Variants in FCGRT observed in about 807,000 individuals in gnomAD.
FCGRT encodes Fc gamma receptor and transporter, also known as IgG receptor FcRn large subunit p51.
FCGRT carries 13 observed loss-of-function variants against 35.7 expected under a neutral mutation model. The ratio of observed to expected loss-of-function variants is 0.36; its 90% CI spans 0.24 to 0.58. The LOEUF is 0.58. FCGRT is among the 20% of genes least tolerant of loss of function. The probability of loss-of-function intolerance (pLI) is 0.77; values close to 1 mark genes in which losing one functional copy is unlikely to be tolerated. For synonymous variants in FCGRT, 233 were observed against 216.5 expected, an observed-to-expected ratio of 1.08 and a Z score of -0.67; for missense variants, 455 against 474.9, an observed-to-expected ratio of 0.96 and a Z score of 0.39.
chr19:49,517,491 A>C lies in FCGRT; in HGVS notation c.601+3005A>C, dbSNP rs116885865. 7.5e-3 allele frequency among the ~76,000 whole-genome samples: 1,145 copies of C among 152,092 alleles called. 33 individuals are homozygous for C. Among genetic ancestry groups the C allele is most frequent in the East Asian group, 0.058 (302 of 5,176 alleles). On this transcript the variant is annotated intron_variant, in intron 4 of 6. Transcript: ENST00000221466. The stretch of plus-strand genomic sequence containing the variant: ...GGGCAACAAAGCAAGACTCTGTCTC[A>C]AAGAAAGAAGGAAAGAAAGAGAGAG...
In FCGRT at chr19:49,513,430, G is replaced by T; in HGVS notation, c.30G>T (p.Ala10=). 1 of 1,245,328 alleles carries T rather than the reference G, an allele frequency of 8.0e-7. No homozygotes were observed. Among genetic ancestry groups the T allele is most frequent in the Non-Finnish European group, 1.0e-6 (1 of 988,008 alleles). The allele number at this position is 1,245,328 out of a possible 1,614,324, so 77.1% of individuals were successfully genotyped here. ...GGGTCCCGCGGCCTCAGCCCTGGGC[G>T]CTGGGGCTCCTGCTCTTTCTCCTTC... The part of the protein sequence containing the change: MGVPRPQPW[A]LGLLLFLLPG... The change falls in exon 2 of 7, where the codon GCG becomes GCT. Residue 10 remains alanine (A), a synonymous_variant. Transcript: ENST00000221466.
chr19:49,516,847 C>G (rs2080010641), intron 4 of FCGRT, among the ~76,000 whole-genome samples: 1 of 152,074 alleles, frequency 6.6e-6, no homozygotes, highest in African/African-American at 2.4e-5. Flanking sequence ...TGAGCCACCA[C>G]TCCTGGCTTA....
Position 49,514,354 on chromosome 19 carries a change from G to T in FCGRT, c.469G>T (p.Ala157Ser). 1 of 1,613,392 alleles carries T rather than the reference G, an allele frequency of 6.2e-7. No individual in the cohort carries two copies. Among genetic ancestry groups the T allele is most frequent in the Non-Finnish European group, 8.5e-7 (1 of 1,179,694 alleles). ...QGTWGGDWPE[A>S]LAISQRWQQQ... ...CACCTGGGGTGGGGACTGGCCCGAG[G>T]CCCTGGCTATCAGTCAGCGGTGGCA... The change falls in exon 4 of 7, where the codon GCC (alanine) becomes TCC (serine). Residue 157 changes from alanine to serine, a missense_variant. By Grantham distance (99) the Ala-to-Ser change is moderately conservative. Coordinates refer to ENST00000221466, the MANE Select transcript of FCGRT (RefSeq NM_001136019.3).
chr19:49,514,217 A>T lies in FCGRT; in HGVS notation c.332A>T (p.Tyr111Phe). Residue 111 changes from tyrosine (Y) to phenylalanine (F), a missense_variant, in exon 4 of 7, where the codon TAC (tyrosine) becomes TTC (phenylalanine). By Grantham distance (22) the Tyr-to-Phe change is conservative. Coordinates refer to ENST00000221466, the MANE Select transcript of FCGRT (RefSeq NM_001136019.3). ...CTGTGTTTGGGCGCCCCAGGTCCCTACACTCTGCAGGGCCTGCTGGGCTGT... is the reference window on the plus strand; with the variant it reads ...CTGTGTTTGGGCGCCCCAGGTCCCTTCACTCTGCAGGGCCTGCTGGGCTGT... ...AFKALGGKGP[Y>F]TLQGLLGCEL... 1.2e-6 allele frequency: 2 copies of T among 1,610,596 alleles called. No homozygotes were observed. Among genetic ancestry groups the T allele is most frequent in the Non-Finnish European group, 8.5e-7 (1 of 1,178,474 alleles).
intron 4 of FCGRT, among the ~76,000 whole-genome samples, chr19:49,518,931 C>T (rs541374232): frequency 5.9e-5 from 9 of 151,916 alleles, no homozygotes; most frequent in Non-Finnish European, 1.3e-4. Context: ...CAACCTCCAC[C>T]TCCCAAGTTG....
chr19:49,519,116 A>G (rs1394089497), intron 4 of FCGRT, among the ~76,000 whole-genome samples: 3 of 152,144 alleles, frequency 2.0e-5, no homozygotes, highest in Non-Finnish European at 4.4e-5. Context: ...TACTGGGATT[A>G]CAGGCTTGAG....
intron 1 of FCGRT, 130 bp from the exon 2 acceptor site, chr19:49,513,257 A>C (rs960238896): frequency 1.5e-5 from 6 of 401,700 alleles, no homozygotes; most frequent in African/African-American, 1.2e-4. Context: ...CGAGGAGGGC[A>C]TTGTTGTCAG....
chr19:49,513,140 G>C (rs1331701717), intron 1 of FCGRT: 2 of 303,310 alleles, frequency 6.6e-6, no homozygotes, highest in African/African-American at 4.4e-5. Flanking sequence ...GCCTGAGGGG[G>C]GCGGAAGGGG....
intron 4 of FCGRT, chr19:49,516,017 A>T: frequency 2.8e-6 from 1 of 351,548 alleles, no homozygotes; most frequent in Non-Finnish European, 5.6e-6. Flanking sequence ...ATCCCCACTC[A>T]TTCAACTGTT....
intron 2 of FCGRT, 100 bp downstream of exon 2, chr19:49,513,573 G>A (rs2079986486): frequency 4.7e-6 from 3 of 643,924 alleles, no homozygotes; most frequent in Non-Finnish European, 6.7e-6. Flanking sequence ...TTCCCCGCGA[G>A]CCCCTGGCGC....
At chr19:49,516,138 G>C (rs1157083733) in intron 4 of FCGRT, 2 of 453,636 alleles carry the variant, frequency 4.4e-6, no homozygotes, top group Non-Finnish European at 8.8e-6. Context: ...ATAGATACCA[G>C]CTGGGGATGT....
chr19:49,519,004 G>C (rs974944193), intron 4 of FCGRT, among the ~76,000 whole-genome samples: 42 of 150,956 alleles, frequency 2.8e-4, no homozygotes, highest in African/African-American at 9.8e-4. Context: ...CACCACGCCC[G>C]GCTAATTTTT....
chr19:49,521,217 C>T (rs911985439), intron 4 of FCGRT: 4 of 152,164 alleles, frequency 2.6e-5, no homozygotes, highest in Non-Finnish European at 5.9e-5. Flanking sequence ...CGTCACCATG[C>T]CTGGCTAACA....
intron 3 of FCGRT, 26 bp from the exon 4 acceptor site, chr19:49,514,185 C>T (rs748122246): frequency 6.2e-7 from 1 of 1,609,232 alleles, no homozygotes; most frequent in Admixed American, 1.7e-5. Context: ...TCCGGGGCCC[C>T]GCTTACCTGT....
At chr19:49,514,628 C>G (rs912386163) in intron 4 of FCGRT, 142 bp downstream of exon 4, 2 of 740,924 alleles carry the variant, frequency 2.7e-6, no homozygotes, top group Admixed American at 3.2e-5. Flanking sequence ...TCCTTCTACA[C>G]TCAGCCCTCC....
At chr19:49,515,748 T>A (rs1008345301) in intron 4 of FCGRT, among the ~76,000 whole-genome samples, 1 of 152,072 alleles carries the variant, frequency 6.6e-6, no homozygotes, top group Non-Finnish European at 1.5e-5. Context: ...AATGTCCTCA[T>A]CAGACCCACG....
At chr19:49,525,849 AG>A (rs2080073013) in intron 6 of FCGRT, 160 bp from the exon 7 acceptor site, 7 of 709,086 alleles carry the variant, frequency 9.9e-6, no homozygotes, top group Non-Finnish European at 1.8e-5. Flanking sequence ...ATGTAGAAAG[AG>A]GGGGGACGGA....
intron 5 of FCGRT, 133 bp from the exon 6 acceptor site, chr19:49,525,324 C>T (rs2080067880): frequency 1.3e-6 from 1 of 752,332 alleles, no homozygotes; most frequent in East Asian, 2.5e-5. Context: ...CCTGCCTGGC[C>T]TCGCCTCTGC....
intron 4 of FCGRT, among the ~76,000 whole-genome samples, chr19:49,519,654 A>G (rs2080028691): frequency 6.6e-6 from 1 of 151,952 alleles, no homozygotes; most frequent in South Asian, 2.1e-4. Context: ...TTCAATTTTT[A>G]TGGCAAGAAA....
Sources: gnomAD v4.1 joint callset for allele counts (sites outside exome capture counted in the v4.1 genomes callset) on GRCh38, gnomAD v4.1.1 for gene constraint, MANE v1.5 for transcripts, NCBI Gene and HGNC (gene_info 2026-07-23, HGNC 2026-07-21) for gene names.